CELSR1: variants seen among roughly 807,000 people sequenced by gnomAD.
The protein encoded by CELSR1 is adhesion G protein-coupled receptor C1.
A neutral mutation model predicts 249.1 loss-of-function variants in CELSR1; 110 were observed. The ratio of observed to expected loss-of-function variants is 0.44; its 90% confidence interval spans 0.38 to 0.52. The LOEUF (loss-of-function observed/expected upper bound fraction) is 0.52. Ranked by LOEUF, CELSR1 falls within the 20% of genes least tolerant of loss-of-function variation. CELSR1 has a pLI of 0.00. For synonymous variants in CELSR1, 2,113 were observed against 1,900.0 expected, an observed-to-expected ratio of 1.11 and a Z score of -2.92; for missense variants, 4,109 against 4,296.4, an observed-to-expected ratio of 0.96 and a Z score of 1.22.
chr22:46,475,665 G>GGC (rs1292450005), intron 1 of CELSR1, among the ~76,000 whole-genome samples: 3 of 148,396 alleles, frequency 2.0e-5, no homozygotes, highest in African/African-American at 7.4e-5. Context: ...CGAATGGGGG[G>GGC]GGAAGAAACA....
In CELSR1 at chr22:46,381,955, T is replaced by C; in HGVS notation, c.6979A>G (p.Arg2327Gly). The C allele has an allele frequency of 1.3e-6, 2 of 1,564,142 alleles. No homozygotes were observed. The highest frequency in any genetic ancestry group is 1.7e-6 in the Non-Finnish European group (2 of 1,156,626). Reference sequence around the variant, plus strand: ...TGGCCAGCGTCATCAGGGTGTCGCCTCCGCCTGCTGATCGGGGCCTCCCTC... The same window carrying C: ...TGGCCAGCGTCATCAGGGTGTCGCCCCCGCCTGCTGATCGGGGCCTCCCTC... ...TEREAPISRR[R>G]RHPDDAGQFA... Residue 2327 changes from arginine (R) to glycine (G), a missense_variant, in exon 21 of 35, where the codon AGG becomes GGG. By Grantham distance (125) the Arg-to-Gly change is moderately radical (BLOSUM62 -2). Transcript: ENST00000674500. This position sits in a 1 kb window ranked among gnomAD's most constrained non-coding sequence, Gnocchi z 6.0.
chr22:46,381,982 C>A lies in CELSR1; in HGVS notation c.6952G>T (p.Glu2318Ter). The stretch of plus-strand genomic sequence containing the variant: ...CGCCTGCTGATCGGGGCCTCCCTCT[C>A]GGTGCCAGGCCCCGGGCGCGTGGTC... ...PQTTRPGPGT[E>*]REAPISRRRR... Residue 2318 changes from glutamate (E) to a stop codon, truncating the protein, a stop_gained, in exon 21 of 35, where the codon GAG becomes TAG. Transcript: ENST00000674500. LOFTEE classifies it high-confidence loss of function. The surrounding 1 kb of genome is among the most constrained non-coding windows in gnomAD (Gnocchi z 6.0). 1 of 1,565,702 alleles carries A rather than the reference C, an allele frequency of 6.4e-7. No homozygotes were observed.
Position 46,440,744 on chromosome 22 carries a change from C to T in CELSR1, c.4184-1333G>A, listed in dbSNP as rs1378453907. On this transcript the variant is annotated intron_variant, in intron 2 of 34. Transcript: ENST00000674500. This position sits in a 1 kb window ranked among gnomAD's most constrained non-coding sequence, Gnocchi z 4.7. Reference sequence around the variant, plus strand: ...TCATTTTCATGGCAATTTCCCCCAGCTTAATGTTTAACATTAGGTTTTATG... The same window carrying T: ...TCATTTTCATGGCAATTTCCCCCAGTTTAATGTTTAACATTAGGTTTTATG... 1.3e-5 allele frequency among the ~76,000 whole-genome samples: 2 copies of T among 152,176 alleles called. No homozygotes were observed. Among genetic ancestry groups the T allele is most frequent in the Admixed American group, 1.3e-4 (2 of 15,272 alleles).
chr22:46,384,291 A>AGT (rs2079009368), intron 20 of CELSR1, among the ~76,000 whole-genome samples: 1 of 152,242 alleles, frequency 6.6e-6, no homozygotes, highest in Admixed American at 6.5e-5. Context: ...ATTTCCTTTA[A>AGT]GTGTCAGGTT....
Position 46,533,888 on chromosome 22 carries a change from T to G in CELSR1, c.3283A>C (p.Asn1095His). 1 of 1,613,504 alleles carries G rather than the reference T, an allele frequency of 6.2e-7. No individual in the cohort carries two copies. Among genetic ancestry groups the G allele is most frequent in the Non-Finnish European group, 8.5e-7 (1 of 1,180,014 alleles). The change falls in exon 1 of 35, where the codon AAT becomes CAT. Residue 1095 changes from asparagine to histidine, a missense_variant. Coordinates refer to ENST00000674500, the MANE Select transcript of CELSR1 (RefSeq NM_001378328.1). ...TCGGGCAGCACAGGCGGGTTGTCATTCTGGTCCACGAGAAGGATGTGCACC... is the reference window on the plus strand; with the variant it reads ...TCGGGCAGCACAGGCGGGTTGTCATGCTGGTCCACGAGAAGGATGTGCACC... ...ATVHILLVDQ[N>H]DNPPVLPDFQ...
At chr22:46,376,655 C>T (rs753297499) in intron 24 of CELSR1, among the ~76,000 whole-genome samples, 2 of 152,176 alleles carry the variant, frequency 1.3e-5, no homozygotes, top group Non-Finnish European at 2.9e-5. Flanking sequence ...GGATTACACG[C>T]ATGAGCCACT....
Position 46,535,629 on chromosome 22 carries a change from C to A in CELSR1, c.1542G>T (p.Gly514=). The A allele has an allele frequency of 6.2e-7, 1 of 1,613,422 alleles. No homozygotes were observed. Among genetic ancestry groups the A allele is most frequent in the Non-Finnish European group, 8.5e-7 (1 of 1,180,038 alleles). The change falls in exon 1 of 35, where the codon GGG becomes GGT. Residue 514 remains glycine (G), a synonymous_variant. Transcript: ENST00000674500. ...CCAAGGGGTTGATCACATCCAGGAT[C>A]CCGCTCAGCGAGTGCAGGTAGAACT... ...AGQFYLHSLS[G]ILDVINPLDF...
In CELSR1 at chr22:46,402,772, C is replaced by G. The variant is rs1045847867; in HGVS notation, c.5227-2870G>C. Among the ~76,000 whole-genome samples the G allele has an allele frequency of 6.6e-6, 1 of 152,050 alleles. No homozygotes were observed. The highest frequency in any genetic ancestry group is 1.5e-5 in the Non-Finnish European group (1 of 68,016). On this transcript the variant is annotated intron_variant, in intron 9 of 34. Transcript: ENST00000674500. This position sits in a 1 kb window ranked among gnomAD's most constrained non-coding sequence, Gnocchi z 5.0. ...AGGTGTTACAGAGATAAGGGTCAAA[C>G]GGCCATGTTTAAGTACATGTAAGAA...
chr22:46,536,414 C>G lies in CELSR1; in HGVS notation c.757G>C (p.Ala253Pro), dbSNP rs1330582308. ...CCCGCCGGTTCGTTCTCAAACAACG[C>G]CACCTGGTAGTTGGGCATCGGAAAC... ...LKFPMPNYQV[A>P]LFENEPAGTL... Residue 253 changes from alanine (A) to proline (P), a missense_variant, in exon 1 of 35, where the codon GCG becomes CCG. This residue lies in a region of CELSR1 where 673 missense variants were observed against 636.8 expected (regional missense o/e 1.06). Coordinates refer to ENST00000674500, the MANE Select transcript of CELSR1 (RefSeq NM_001378328.1). 7 of 1,612,440 alleles carry G rather than the reference C, an allele frequency of 4.3e-6. No homozygotes were observed. Among genetic ancestry groups the G allele is most frequent in the Non-Finnish European group, 5.9e-6 (7 of 1,179,684 alleles).
At chr22:46,497,281 C>T (rs763510762) in intron 1 of CELSR1, among the ~76,000 whole-genome samples, 4 of 152,194 alleles carry the variant, frequency 2.6e-5, no homozygotes, top group Non-Finnish European at 4.4e-5. Flanking sequence ...TTTCTTTATA[C>T]GTAACTTTAT....
At chr22:46,404,900 C>T (rs560438991) in intron 9 of CELSR1, among the ~76,000 whole-genome samples, 196 of 152,316 alleles carry the variant, frequency 1.3e-3, no homozygotes, top group African/African-American at 4.5e-3. Flanking sequence ...CCTTGGCTCA[C>T]TGCAACCTCT....
chr22:46,364,119 G>C lies in CELSR1; in HGVS notation c.8912C>G (p.Ser2971Cys). Residue 2971 changes from serine to cysteine, a missense_variant, in exon 34 of 35, where the codon TCT becomes TGT. Coordinates refer to ENST00000674500, the MANE Select transcript of CELSR1 (RefSeq NM_001378328.1). ...TGTGATGGCGCAGTCGGGGCCGCCA[G>C]AGCCCAGGGAAGACGTGCGCGAGGA... ...PTSSRTSSLG[S>C]GGPDCAITVK... is the part of the protein sequence containing the mutation. 1 of 1,612,262 alleles carries C rather than the reference G, an allele frequency of 6.2e-7. No individual in the cohort carries two copies. The highest frequency in any genetic ancestry group is 8.5e-7 in the Non-Finnish European group (1 of 1,179,598).
At chr22:46,373,456 G>A (rs933670308) in intron 24 of CELSR1, among the ~76,000 whole-genome samples, 2 of 144,156 alleles carry the variant, frequency 1.4e-5, no homozygotes, top group Non-Finnish European at 3.1e-5. Flanking sequence ...CTCGGGGTTG[G>A]GGGGGCAGCT....
intron 24 of CELSR1, among the ~76,000 whole-genome samples, chr22:46,373,352 C>T (rs2147188805): frequency 6.6e-6 from 1 of 151,988 alleles, no homozygotes; most frequent in South Asian, 2.1e-4. Flanking sequence ...AACCCAGTCC[C>T]ACATGCCCCG....
chr22:46,530,803 C>G (rs866566121), intron 1 of CELSR1, among the ~76,000 whole-genome samples: 1 of 152,348 alleles, frequency 6.6e-6, no homozygotes, highest in South Asian at 2.1e-4. Flanking sequence ...CCCTGCCCTC[C>G]GATGCGCTCC....
At position 46,534,516 on chromosome 22, in the gene CELSR1, G is replaced by C. The variant is rs1393685065; in HGVS notation, c.2655C>G (p.Ala885=). 6.2e-7 allele frequency: 1 copy of C among 1,613,336 alleles called. No individual in the cohort carries two copies. Among genetic ancestry groups the C allele is most frequent in the Non-Finnish European group, 8.5e-7 (1 of 1,180,034 alleles). The change falls in exon 1 of 35, where the codon GCC becomes GCG. Residue 885 remains alanine (A), a synonymous_variant. Coordinates refer to ENST00000674500, the MANE Select transcript of CELSR1 (RefSeq NM_001378328.1). The surrounding 1 kb of genome is among the most constrained non-coding windows in gnomAD (Gnocchi z 9.7). ...ACAGGAACTGGGGTGCATTGTCATT[G>C]GCATCGAGGATGAGGATCTCTAGGG... ...TTTLEILILD[A]NDNAPQFLWD... is the part of the protein sequence containing the mutation.
At chr22:46,369,853 G>T (rs772094540) in intron 25 of CELSR1, 49 bp from the exon 26 acceptor site, 68 of 1,512,508 alleles carry the variant, frequency 4.5e-5, no homozygotes, top group Non-Finnish European at 2.7e-6. Flanking sequence ...GTGCCCAGTG[G>T]CCACCCCATG....
intron 2 of CELSR1, among the ~76,000 whole-genome samples, chr22:46,457,117 C>A (rs1232753059): frequency 6.6e-6 from 1 of 152,192 alleles, no homozygotes; most frequent in Non-Finnish European, 1.5e-5. Context: ...GAGGCCGAGG[C>A]GGGAGGATCA....
Position 46,535,041 on chromosome 22 carries a change from C to T in CELSR1, c.2130G>A (p.Gln710=). Residue 710 remains glutamine (Q), a synonymous_variant, in exon 1 of 35, where the codon CAG becomes CAA. Transcript: ENST00000674500. Reference sequence around the variant, plus strand: ...CACTGTTGGCGTCACGGTCGCGGGCCTGCAGGGTCAGCACGCTGCTCCCCA... The same window carrying T: ...CACTGTTGGCGTCACGGTCGCGGGCTTGCAGGGTCAGCACGCTGCTCCCCA... ...AAVGSSVLTL[Q]ARDRDANSVI... 6.2e-7 allele frequency: 1 copy of T among 1,612,568 alleles called. No individual in the cohort carries two copies. The highest frequency in any genetic ancestry group is 1.7e-5 in the Admixed American group (1 of 60,010).
Sources: gnomAD v4.1 joint callset for allele counts (sites outside exome capture counted in the v4.1 genomes callset) on GRCh38, gnomAD v4.1.1 for gene constraint, gnomAD v4.1.1 regional missense constraint, Gnocchi (gnomAD v3.1) non-coding constraint, MANE v1.5 for transcripts, NCBI Gene and HGNC (gene_info 2026-07-23, HGNC 2026-07-21) for gene names.